The following BAZ2B variants were observed in gnomAD, a reference collection of about 807,000 sequenced individuals.
BAZ2B encodes the protein bromodomain adjacent to zinc finger domain 2B.
In BAZ2B, 91 loss-of-function variants were observed where a neutral mutation model predicts 246.0. That is an observed-to-expected ratio of 0.37 (90% CI 0.31 to 0.44). BAZ2B has a LOEUF of 0.44. Among genes scored for constraint, BAZ2B ranks in the 20% least tolerant of loss-of-function variants. The pLI is 1.00. For synonymous variants in BAZ2B, 855 were observed against 860.0 expected (o/e 0.99, Z 0.10); for missense variants, 2,332 against 2,533.7 (o/e 0.92, Z 1.71).
chr2:159,501,139 T>A (rs12994842), intron 2 of BAZ2B, among the ~76,000 whole-genome samples: 12 of 26,730 alleles, frequency 4.5e-4, no homozygotes, highest in East Asian at 8.2e-4. Flanking sequence ...TATATATATT[T>A]TATATATATA....
intron 4 of BAZ2B, among the ~76,000 whole-genome samples, chr2:159,451,845 G>C (rs1290175441): frequency 2.0e-5 from 3 of 152,046 alleles, no homozygotes; most frequent in African/African-American, 4.8e-5. Flanking sequence ...TAGTACAAAA[G>C]ACATTTGATT....
the BAZ2B span, among the ~76,000 whole-genome samples, chr2:159,683,390 C>T: frequency 1.3e-5 from 2 of 152,138 alleles, no homozygotes; most frequent in South Asian, 2.1e-4. Flanking sequence ...CATGTGCCAC[C>T]ATGCTTGGCT....
At chr2:159,450,306 T>C (rs968606174) in intron 4 of BAZ2B, among the ~76,000 whole-genome samples, 3 of 150,556 alleles carry the variant, frequency 2.0e-5, no homozygotes, top group South Asian at 2.1e-4. Flanking sequence ...GCCTGGGAAA[T>C]GGAGGTTGCA....
At chr2:159,584,009 G>C (rs1269631235) in intron 1 of BAZ2B, among the ~76,000 whole-genome samples, 3 of 152,066 alleles carry the variant, frequency 2.0e-5, no homozygotes, top group Non-Finnish European at 4.4e-5. Context: ...ATAGGGGAGA[G>C]GTAAAATGCT....
intron 2 of BAZ2B, among the ~76,000 whole-genome samples, chr2:159,479,151 T>C (rs1056962560): frequency 2.0e-5 from 3 of 152,060 alleles, no homozygotes; most frequent in African/African-American, 4.8e-5. Flanking sequence ...TAAATACAGA[T>C]AGCAATATAC....
chr2:159,541,977 CAG>C (rs1420601193), intron 2 of BAZ2B, among the ~76,000 whole-genome samples: 2 of 151,962 alleles, frequency 1.3e-5, no homozygotes, highest in Non-Finnish European at 2.9e-5. Flanking sequence ...AATAAAGAAA[CAG>C]AAATTTTAAA....
chr2:159,682,909 T>TA, the BAZ2B span, among the ~76,000 whole-genome samples: 1 of 131,704 alleles, frequency 7.6e-6, no homozygotes, highest in Non-Finnish European at 1.6e-5. Flanking sequence ...CTGCCACCCC[T>TA]CCCCCCCCCC....
intron 2 of BAZ2B, among the ~76,000 whole-genome samples, chr2:159,511,709 C>G (rs1577961043): frequency 1.3e-5 from 2 of 152,048 alleles, no homozygotes; most frequent in South Asian, 4.1e-4. Context: ...ACATACACTA[C>G]TATTTTTATG....
the BAZ2B span, among the ~76,000 whole-genome samples, chr2:159,682,245 C>T: frequency 3.3e-4 from 49 of 146,968 alleles, no homozygotes; most frequent in African/African-American, 9.1e-4. Context: ...CAGGCTGGAC[C>T]GCAGAGGCTC....
chr2:159,702,312 T>A, the BAZ2B span, among the ~76,000 whole-genome samples: 2 of 152,218 alleles, frequency 1.3e-5, no homozygotes, highest in Non-Finnish European at 2.9e-5. Flanking sequence ...GTAGCTTTCT[T>A]CTAAGCACAG....
At chr2:159,482,012 G>T (rs2079288554) in intron 2 of BAZ2B, among the ~76,000 whole-genome samples, 1 of 151,814 alleles carries the variant, frequency 6.6e-6, no homozygotes, top group Non-Finnish European at 1.5e-5. Context: ...TTATAATTTT[G>T]ATAATTGCAC....
intron 2 of BAZ2B, among the ~76,000 whole-genome samples, chr2:159,519,396 A>AT (rs1474629078): frequency 1.4e-5 from 2 of 140,934 alleles, no homozygotes; most frequent in Non-Finnish European, 3.1e-5. Context: ...CGCCCGGCTA[A>AT]TTTTTTGTAT....
the BAZ2B span, among the ~76,000 whole-genome samples, chr2:159,627,954 A>G: frequency 6.6e-6 from 1 of 152,256 alleles, no homozygotes; most frequent in Non-Finnish European, 1.5e-5. Flanking sequence ...TTAAGCAGAT[A>G]AGCAACTTTA....
intron 27 of BAZ2B, among the ~76,000 whole-genome samples, chr2:159,351,990 AC>A (rs748576651): frequency 6.6e-6 from 1 of 152,186 alleles, no homozygotes; most frequent in Admixed American, 6.5e-5. Context: ...ATCTATGACT[AC>A]CATTTTGCAT....
At chr2:159,603,671 C>CAA (rs34699245) in intron 1 of BAZ2B, among the ~76,000 whole-genome samples, 40 of 142,490 alleles carry the variant, frequency 2.8e-4, no homozygotes, top group Middle Eastern at 3.5e-3. Flanking sequence ...CTCCTCCTTA[C>CAA]AAAAAAAAAA....
the BAZ2B span, among the ~76,000 whole-genome samples, chr2:159,666,186 G>A: frequency 6.7e-6 from 1 of 148,166 alleles, no homozygotes; most frequent in Non-Finnish European, 1.5e-5. Flanking sequence ...TATTAAGTGT[G>A]TTTTCAAAGA....
At chr2:159,468,710 AG>A (rs1270364793) in intron 3 of BAZ2B, among the ~76,000 whole-genome samples, 3 of 152,162 alleles carry the variant, frequency 2.0e-5, no homozygotes, top group African/African-American at 4.8e-5. Flanking sequence ...ATATAAGAAA[AG>A]GACAAAGGTG....
chr2:159,358,126 A>G (rs2059308889), intron 27 of BAZ2B, among the ~76,000 whole-genome samples: 1 of 152,248 alleles, frequency 6.6e-6, no homozygotes, highest in African/African-American at 2.4e-5. Flanking sequence ...TTAACCTTAA[A>G]TGTAAACAGG....
At chr2:159,704,988 G>A in the BAZ2B span, among the ~76,000 whole-genome samples, 36 of 151,494 alleles carry the variant, frequency 2.4e-4, no homozygotes, top group Non-Finnish European at 4.1e-4. Context: ...GAGCCACCAC[G>A]CCCAGCCTCG....
Sources: gnomAD v4.1 joint callset for allele counts (sites outside exome capture counted in the v4.1 genomes callset) on GRCh38, gnomAD v4.1.1 for gene constraint, MANE v1.5 for transcripts, NCBI Gene and HGNC (gene_info 2026-07-23, HGNC 2026-07-21) for gene names.